Variants in OR2T1 observed in about 807,000 individuals in gnomAD.
The protein encoded by OR2T1 is olfactory receptor 2T1.
For synonymous variants in OR2T1, 186 were observed against 145.4 expected (o/e 1.28, Z -2.01); for missense variants, 440 against 390.2 (o/e 1.13, Z -1.07).
In OR2T1 at chr1:248,407,715, C is replaced by T. The variant is rs780108841; in HGVS notation, c.*611C>T. ...AGCTGAACAGGAGGGTGATAAGAAC[C>T]CATCCATGTGCCTGGAGGGTGGCAT... On this transcript the variant is annotated 3_prime_UTR_variant, in exon 2 of 2. Coordinates refer to ENST00000642005, the MANE Select transcript of OR2T1 (RefSeq NM_030904.2). The T allele has an allele frequency of 6.6e-6, 1 of 152,260 alleles. No homozygotes were observed. Among genetic ancestry groups the T allele is most frequent in the Non-Finnish European group, 1.5e-5 (1 of 68,106 alleles). 9.4% of individuals were successfully genotyped at this position (152,260 alleles called of 1,614,324 possible). A position where few individuals can be genotyped will look rare whatever the true frequency, so the allele number is the denominator to read the frequency against.
In OR2T1 at chr1:248,406,281, T is replaced by G; in HGVS notation, c.134T>G (p.Ile45Ser). The change falls in exon 2 of 2, where the codon ATC (isoleucine) becomes AGC (serine). Residue 45 changes from isoleucine to serine, a missense_variant. By Grantham distance (142) the Ile-to-Ser change is moderately radical (BLOSUM62 -2). Coordinates refer to ENST00000642005, the MANE Select transcript of OR2T1 (RefSeq NM_030904.2). ...FTALMANGVM[I>S]FLIQTDLRLH... ...GCACTGATGGCCAATGGGGTTATGA[T>G]CTTCCTGATCCAAACAGATTTGCGC... 1.5e-5 allele frequency: 24 copies of G among 1,614,128 alleles called. No individual in the cohort carries two copies. The highest frequency in any genetic ancestry group is 2.0e-5 in the Non-Finnish European group (24 of 1,179,996).
chr1:248,405,723 A>G (rs976343531), intron 1 of OR2T1, among the ~76,000 whole-genome samples: 5 of 152,210 alleles, frequency 3.3e-5, no homozygotes, highest in African/African-American at 9.6e-5. Flanking sequence ...TTTTGAAAGT[A>G]GTGGTGATGC....
rs28718688 is a variant in OR2T1 at position 248,407,874 on chromosome 1, T to C, written c.*770T>C. The C allele has an allele frequency of 0.61, 85,285 of 138,840 alleles. 24,714 individuals carry two copies. The highest frequency in any genetic ancestry group is 0.71 in the Non-Finnish European group (44,366 of 62,678). 8.6% of individuals were successfully genotyped at this position (138,840 alleles called of 1,614,324 possible). A position where few individuals can be genotyped will look rare whatever the true frequency, so the allele number is the denominator to read the frequency against. On this transcript the variant is annotated 3_prime_UTR_variant, in exon 2 of 2. Transcript: ENST00000642005. ...TGGTAAACATAGGTAAGTGTTTCCT[T>C]GAATTCTGTGAGCCTTTATAGTAAA...
At chr1:248,403,558 A>G (rs1661474901) in intron 1 of OR2T1, among the ~76,000 whole-genome samples, 1 of 152,098 alleles carries the variant, frequency 6.6e-6, no homozygotes, top group Non-Finnish European at 1.5e-5. Flanking sequence ...TTAATTCTAA[A>G]TTTTGTTTTA....
In OR2T1 at chr1:248,406,619, C is replaced by A; in HGVS notation, c.472C>A (p.Leu158Ile). Residue 158 changes from leucine to isoleucine, a missense_variant, in exon 2 of 2, where the codon CTA becomes ATA. Transcript: ENST00000642005. ...TGGGGGCTCTTTGGATGGCTTCCTC[C>A]TAACCCCCATCACCATGAGCTTTCC... ...WFGGSLDGFL[L>I]TPITMSFPFC... The A allele has an allele frequency of 6.2e-7, 1 of 1,614,156 alleles. No individual in the cohort carries two copies. Among genetic ancestry groups the A allele is most frequent in the Non-Finnish European group, 8.5e-7 (1 of 1,180,010 alleles).
chr1:248,404,244 A>AGGCTATTACATATACGT (rs1558313968), intron 1 of OR2T1, among the ~76,000 whole-genome samples: 27 of 152,032 alleles, frequency 1.8e-4, no homozygotes, highest in East Asian at 3.9e-4. Context: ...CAGACAGCAG[A>AGGCTATTACATATACGT]GACCACTGTT....
chr1:248,406,830 G>C lies in OR2T1; in HGVS notation c.683G>C (p.Ser228Thr). ...ATCCTGACTACAGTTCAGTGCATGA[G>C]CTCAGTGGAGGGCAGGAAGAAGGCA... ...ARILTTVQCMSSVEGRKKAFA... is the reference protein window; with the variant it reads ...ARILTTVQCMTSVEGRKKAFA... Residue 228 changes from serine to threonine, a missense_variant, in exon 2 of 2, where the codon AGC becomes ACC. By Grantham distance (58) the Ser-to-Thr change is moderately conservative (BLOSUM62 1). Coordinates refer to ENST00000642005, the MANE Select transcript of OR2T1 (RefSeq NM_030904.2). 6.2e-7 allele frequency: 1 copy of C among 1,614,180 alleles called. No individual in the cohort carries two copies. The highest frequency in any genetic ancestry group is 8.5e-7 in the Non-Finnish European group (1 of 1,180,018).
rs1442446144 is a variant in OR2T1, at chr1:248,406,461, C to T, written c.314C>T (p.Thr105Ile). 3.7e-6 allele frequency: 6 copies of T among 1,614,044 alleles called. No individual in the cohort carries two copies. The highest frequency in any genetic ancestry group is 5.1e-6 in the Non-Finnish European group (6 of 1,180,024). Residue 105 changes from threonine (T) to isoleucine (I), a missense_variant, in exon 2 of 2, where the codon ACC becomes ATC. Thr to Ile is a moderately conservative substitution (Grantham distance 89). Transcript: ENST00000642005. ...GCTAQHFLYLTLVGAEFFLLG... is the reference protein window; with the variant it reads ...GCTAQHFLYLILVGAEFFLLG... ...ACAGCTCAACACTTCCTCTACCTTA[C>T]CCTTGTGGGAGCTGAATTCTTCCTG...
chr1:248,406,888 GTC>G lies in OR2T1; in HGVS notation c.742_743del (p.Ser248LeufsTer44). On this transcript the variant is annotated frameshift_variant, in exon 2 of 2. Coordinates refer to ENST00000642005, the MANE Select transcript of OR2T1 (RefSeq NM_030904.2). LOFTEE classifies it low-confidence loss of function (END_TRUNC). ...CTTGCTCATCCCACATGACTGTGGT[GTC>G]CTTGTTCTACGGGGCTGCCATGTAC... ...ATCSSHMTVV[S>X]LFYGAAMYTY... 1 of 1,614,112 alleles carries G rather than the reference GTC, an allele frequency of 6.2e-7. No homozygotes were observed. The highest frequency in any genetic ancestry group is 8.5e-7 in the Non-Finnish European group (1 of 1,179,988).
At position 248,407,199 on chromosome 1, in the gene OR2T1, C is replaced by A; in HGVS notation, c.*95C>A. The A allele has an allele frequency of 8.1e-7, 1 of 1,227,116 alleles. No homozygotes were observed. Among genetic ancestry groups the A allele is most frequent in the South Asian group, 1.5e-5 (1 of 65,574 alleles). The allele number at this position is 1,227,116 out of a possible 1,614,324, so 76.0% of individuals were successfully genotyped here. ...AAGATGAAGCAAAAAGGGAGGGAGT[C>A]ATATGATTACAATATTGGTTTTTTG... On this transcript the variant is annotated 3_prime_UTR_variant, in exon 2 of 2. Coordinates refer to ENST00000642005, the MANE Select transcript of OR2T1 (RefSeq NM_030904.2).
At chr1:248,404,561 A>ATATATATATATATATATATATATATAT in intron 1 of OR2T1, among the ~76,000 whole-genome samples, 1 of 110,498 alleles carries the variant, frequency 9.0e-6, no homozygotes, top group South Asian at 3.7e-4. Flanking sequence ...TATATATATA[A>ATATATATATATATATATATATATATAT]AATATACATA....
intron 1 of OR2T1, among the ~76,000 whole-genome samples, chr1:248,404,245 G>GGGCGCTATTACATATACGTGTGTGTGT: frequency 6.6e-6 from 1 of 150,970 alleles, no homozygotes; most frequent in African/African-American, 2.4e-5. Context: ...AGACAGCAGA[G>GGGCGCTATTACATATACGTGTGTGTGT]ACCACTGTTT....
Position 248,406,103 on chromosome 1 carries a change from C to T in OR2T1, c.-33-12C>T, listed in dbSNP as rs757518844. On this transcript the variant is annotated splice_polypyrimidine_tract_variant and intron_variant, in intron 1 of 1. Coordinates refer to ENST00000642005, the MANE Select transcript of OR2T1 (RefSeq NM_030904.2). ...TTTACTGCCCTGGGAATGCTATCAT[C>T]TTATTTGGAAGATATTACCTTATAT... The T allele has an allele frequency of 2.5e-6, 4 of 1,613,924 alleles. No individual in the cohort carries two copies. The highest frequency in any genetic ancestry group is 1.3e-5 in the African/African-American group (1 of 74,918).
In OR2T1 at chr1:248,406,862, A is replaced by C. The variant is rs775826736; in HGVS notation, c.715A>C (p.Thr239Pro). The C allele has an allele frequency of 6.2e-7, 1 of 1,614,134 alleles. No homozygotes were observed. Among genetic ancestry groups the C allele is most frequent in the East Asian group, 2.2e-5 (1 of 44,876 alleles). The change falls in exon 2 of 2, where the codon ACT (threonine) becomes CCT (proline). Residue 239 changes from threonine to proline, a missense_variant. Physicochemically the swap from Thr to Pro is conservative, Grantham distance 38. Transcript: ENST00000642005. ...GGAGGGCAGGAAGAAGGCATTTGCC[A>C]CTTGCTCATCCCACATGACTGTGGT... The part of the protein sequence containing the change: ...SVEGRKKAFA[T>P]CSSHMTVVSL...
intron 1 of OR2T1, among the ~76,000 whole-genome samples, chr1:248,403,452 T>TCGGG (rs1009785837): frequency 2.0e-5 from 3 of 152,152 alleles, no homozygotes; most frequent in Non-Finnish European, 4.4e-5. Context: ...TTATATCAAT[T>TCGGG]AATATAAGCA....
intron 1 of OR2T1, among the ~76,000 whole-genome samples, chr1:248,403,727 A>C (rs1421476347): frequency 2.0e-5 from 3 of 152,138 alleles, no homozygotes; most frequent in Non-Finnish European, 4.4e-5. Flanking sequence ...TATTGTGCTC[A>C]CTCTAGTGAG....
In OR2T1 at chr1:248,406,425, T is replaced by C. The variant is rs1299947800; in HGVS notation, c.278T>C (p.Phe93Ser). ...NYLLDQRTIS[F>S]VGCTAQHFLY... ...CTGCTGGATCAAAGGACCATTTCCT[T>C]TGTGGGGTGCACAGCTCAACACTTC... The change falls in exon 2 of 2, where the codon TTT (phenylalanine) becomes TCT (serine). Residue 93 changes from phenylalanine (F) to serine (S), a missense_variant. By Grantham distance (155) the Phe-to-Ser change is radical (BLOSUM62 -2). Coordinates refer to ENST00000642005, the MANE Select transcript of OR2T1 (RefSeq NM_030904.2). 2 of 1,613,986 alleles carry C rather than the reference T, an allele frequency of 1.2e-6. No individual in the cohort carries two copies.
chr1:248,406,510 C>T lies in OR2T1; in HGVS notation c.363C>T (p.Arg121=). ...FFLLGLMAYD[R]YVAICNPLRY... ...TGCTGGGCCTCATGGCCTATGACCG[C>T]TATGTGGCCATTTGCAACCCTCTGA... The change falls in exon 2 of 2, where the codon CGC becomes CGT. Residue 121 remains arginine, a synonymous_variant. Transcript: ENST00000642005. 2 of 1,614,162 alleles carry T rather than the reference C, an allele frequency of 1.2e-6. No homozygotes were observed. Among genetic ancestry groups the T allele is most frequent in the Non-Finnish European group, 1.7e-6 (2 of 1,180,014 alleles).
Position 248,403,109 on chromosome 1 carries a change from C to G in OR2T1, c.-170C>G, listed in dbSNP as rs1661466303. 1 of 152,058 alleles carries G rather than the reference C, an allele frequency of 6.6e-6. No homozygotes were observed. Among genetic ancestry groups the G allele is most frequent in the Non-Finnish European group, 1.5e-5 (1 of 68,002 alleles). The allele number at this position is 152,058 out of a possible 1,614,324, so 9.4% of individuals were successfully genotyped here. On this transcript the variant is annotated 5_prime_UTR_variant, in exon 1 of 2. Transcript: ENST00000642005. ...GTTCTGCAAGCTTAATTGAAATGCA[C>G]AGTTTTTTCTGAGAATTTCTACTAA...
Sources: allele counts gnomAD v4.1 joint callset (sites outside exome capture counted in the v4.1 genomes callset), GRCh38; gene constraint gnomAD v4.1.1; transcripts MANE v1.5; gene names NCBI Gene and HGNC (gene_info 2026-07-23, HGNC 2026-07-21).